The following PLXNA4 variants were observed in gnomAD, a reference collection of about 807,000 sequenced individuals.
PLXNA4 encodes the protein plexin A4.
In PLXNA4, 44 loss-of-function variants were observed where a neutral mutation model predicts 191.8. The ratio of observed to expected loss-of-function variants is 0.23; its 90% CI spans 0.18 to 0.29. The LOEUF (loss-of-function observed/expected upper bound fraction) is 0.29, where lower values mean the gene tolerates loss of function less well. PLXNA4 is among the 10% of genes least tolerant of loss of function. The pLI is 1.00. For missense variants in PLXNA4, 1,800 were observed against 2,488.8 expected (o/e 0.72, Z 5.89); for synonymous variants, 1,082 against 1,009.5 (o/e 1.07, Z -1.36).
At chr7:132,315,508 T>G (rs1273362111) in intron 3 of PLXNA4, among the ~76,000 whole-genome samples, 1 of 152,254 alleles carries the variant, frequency 6.6e-6, no homozygotes, top group African/African-American at 2.4e-5. Flanking sequence ...ATGTTGTATC[T>G]ATGAACAAAC....
chr7:132,389,709 C>T (rs1028697857), intron 3 of PLXNA4, among the ~76,000 whole-genome samples: 1 of 152,202 alleles, frequency 6.6e-6, no homozygotes, highest in Admixed American at 6.5e-5. Context: ...TGTGATGCCT[C>T]CAGCTTTGTT....
chr7:132,562,862 CCTT>C (rs1338627306), intron 1 of PLXNA4, among the ~76,000 whole-genome samples: 1 of 125,562 alleles, frequency 8.0e-6, no homozygotes, highest in Non-Finnish European at 1.7e-5. Context: ...TCCTCCTCCT[CCTT>C]CTCCTCCTCC....
At chr7:132,300,114 G>A (rs748565239) in intron 3 of PLXNA4, among the ~76,000 whole-genome samples, 1 of 152,090 alleles carries the variant, frequency 6.6e-6, no homozygotes, top group Non-Finnish European at 1.5e-5. Flanking sequence ...AAGGTTTTTT[G>A]CAACATCAAA....
At chr7:132,604,490 T>C (rs895555064) in intron 2 of PLXNA4, among the ~76,000 whole-genome samples, 1 of 152,238 alleles carries the variant, frequency 6.6e-6, no homozygotes, top group African/African-American at 2.4e-5. Context: ...TCGTGAAAAG[T>C]AGCTTGTGCT....
chr7:132,632,734 A>G (rs1264044978), intron 2 of PLXNA4, among the ~76,000 whole-genome samples: 1 of 152,236 alleles, frequency 6.6e-6, no homozygotes, highest in Non-Finnish European at 1.5e-5. Flanking sequence ...ACTTGTTAAC[A>G]CCGCAAGATG....
chr7:132,215,767 G>C (rs1401127877), intron 9 of PLXNA4, among the ~76,000 whole-genome samples: 1 of 152,206 alleles, frequency 6.6e-6, no homozygotes, highest in Non-Finnish European at 1.5e-5. Context: ...GAGCTTCCCT[G>C]GTGGTGAACA....
intron 3 of PLXNA4, among the ~76,000 whole-genome samples, chr7:132,304,920 A>G (rs1563023528): frequency 6.6e-6 from 1 of 152,270 alleles, no homozygotes; most frequent in East Asian, 1.9e-4. Flanking sequence ...AGCCAGCTGT[A>G]TGGTCCCCAT....
intron 3 of PLXNA4, among the ~76,000 whole-genome samples, chr7:132,342,944 C>A (rs1803090448): frequency 1.6e-5 from 1 of 60,988 alleles, no homozygotes; most frequent in South Asian, 4.3e-4. Context: ...GAGACTCTGC[C>A]TCAAAAAAAA....
intron 2 of PLXNA4, among the ~76,000 whole-genome samples, chr7:132,588,776 GAA>G (rs1178968463): frequency 6.9e-6 from 1 of 144,412 alleles, no homozygotes; most frequent in Non-Finnish European, 1.5e-5. Context: ...GAAAGAAAGA[GAA>G]AGAGAGAAAA....
chr7:132,389,485 T>C (rs961389933), intron 3 of PLXNA4, among the ~76,000 whole-genome samples: 2 of 152,230 alleles, frequency 1.3e-5, no homozygotes, highest in South Asian at 4.1e-4. Flanking sequence ...TTTCTGCATA[T>C]GGCTAGCCAG....
At chr7:132,495,756 TC>T (rs1797987633) in intron 2 of PLXNA4, among the ~76,000 whole-genome samples, 1 of 152,176 alleles carries the variant, frequency 6.6e-6, no homozygotes, top group South Asian at 2.1e-4. Flanking sequence ...TCAGAGATTT[TC>T]CCAAGCTCAC....
At chr7:132,460,608 T>C (rs552940402) in intron 3 of PLXNA4, among the ~76,000 whole-genome samples, 4 of 152,154 alleles carry the variant, frequency 2.6e-5, no homozygotes, top group Non-Finnish European at 5.9e-5. Flanking sequence ...AGCTGAGAAG[T>C]GTGGGACTGG....
chr7:132,307,108 C>T (rs1308035025), intron 3 of PLXNA4, among the ~76,000 whole-genome samples: 1 of 152,094 alleles, frequency 6.6e-6, no homozygotes, highest in East Asian at 1.9e-4. Context: ...ATCTCCCCAC[C>T]AGAGGAGCTC....
intron 3 of PLXNA4, among the ~76,000 whole-genome samples, chr7:132,331,250 G>A (rs929987342): frequency 1.3e-5 from 2 of 152,246 alleles, no homozygotes; most frequent in Admixed American, 1.3e-4. Flanking sequence ...AGATGGATAT[G>A]GGAGCATCTC....
intron 2 of PLXNA4, among the ~76,000 whole-genome samples, chr7:132,588,882 G>T (rs751465571): frequency 1.3e-4 from 20 of 151,908 alleles, no homozygotes; most frequent in Middle Eastern, 6.8e-3. Context: ...AGAAAAGGGG[G>T]AAAGAGGTAG....
intron 3 of PLXNA4, among the ~76,000 whole-genome samples, chr7:132,404,916 T>A (rs1183090297): frequency 1.3e-5 from 2 of 152,076 alleles, no homozygotes; most frequent in Non-Finnish European, 2.9e-5. Context: ...ACTACTGCCT[T>A]CCTGTCACCC....
intron 4 of PLXNA4, among the ~76,000 whole-genome samples, chr7:132,271,494 G>A (rs1188527094): frequency 6.6e-6 from 1 of 151,600 alleles, no homozygotes; most frequent in Non-Finnish European, 1.5e-5. Flanking sequence ...GTGGTTACTG[G>A]TACCTAGCTT....
At chr7:132,339,783 T>A (rs940831412) in intron 3 of PLXNA4, among the ~76,000 whole-genome samples, 1 of 152,178 alleles carries the variant, frequency 6.6e-6, no homozygotes, top group African/African-American at 2.4e-5. Flanking sequence ...AGGTGCCGAG[T>A]GACCTAGCAT....
intron 4 of PLXNA4, among the ~76,000 whole-genome samples, chr7:132,291,125 G>A (rs1183404356): frequency 6.6e-6 from 1 of 152,054 alleles, no homozygotes; most frequent in Non-Finnish European, 1.5e-5. Flanking sequence ...CTCCCCTCCT[G>A]GCAGCCCGTC....
Sources: allele counts gnomAD v4.1 joint callset (sites outside exome capture counted in the v4.1 genomes callset), GRCh38; gene constraint gnomAD v4.1.1; transcripts MANE v1.5; gene names NCBI Gene and HGNC (gene_info 2026-07-23, HGNC 2026-07-21).